FRAS1: variants seen among roughly 807,000 people sequenced by gnomAD.
FRAS1 encodes the protein Fraser extracellular matrix complex subunit 1, also known as extracellular matrix organizing protein FRAS1.
In FRAS1, 290 loss-of-function variants were observed where a neutral mutation model predicts 435.2. That is an observed-to-expected ratio of 0.67 (90% CI 0.61 to 0.73). The LOEUF (loss-of-function observed/expected upper bound fraction) is 0.73. Among genes scored for constraint, FRAS1 ranks in the 30% least tolerant of loss-of-function variants. FRAS1 has a pLI of 0.00. For missense variants in FRAS1, 4,860 were observed against 5,001.5 expected (o/e 0.97, Z 0.85); for synonymous variants, 1,800 against 1,851.0 (o/e 0.97, Z 0.71).
chr4:78,451,926 T>C, intron 46 of FRAS1, 35 bp downstream of exon 46: 3 of 1,575,454 alleles, frequency 1.9e-6, no homozygotes, highest in Non-Finnish European at 2.6e-6. Flanking sequence ...TATAAAACTA[T>C]TTTAGCAGTT....
At chr4:78,307,151 G>A (rs1266243547) in intron 14 of FRAS1, among the ~76,000 whole-genome samples, 1 of 152,164 alleles carries the variant, frequency 6.6e-6, no homozygotes, top group Admixed American at 6.5e-5. Context: ...GCCCCTGCTG[G>A]GGGGTGCCTC....
intron 2 of FRAS1, among the ~76,000 whole-genome samples, chr4:78,215,745 A>C (rs558149368): frequency 6.6e-6 from 1 of 152,162 alleles, no homozygotes; most frequent in African/African-American, 2.4e-5. Context: ...ACTCAGCTTA[A>C]TATCCTCAAG....
At chr4:78,181,904 C>A (rs540704847) in intron 2 of FRAS1, 3 of 1,610,834 alleles carry the variant, frequency 1.9e-6, no homozygotes, top group East Asian at 2.2e-5. Context: ...GGCCCCAGGG[C>A]CCCCAACGCC....
At chr4:78,337,858 A>T in intron 20 of FRAS1, 41 bp downstream of exon 20, 1 of 1,611,330 alleles carries the variant, frequency 6.2e-7, no homozygotes, top group Non-Finnish European at 8.5e-7. Flanking sequence ...ATCACTGGGC[A>T]GCTGCCGGGG....
intron 2 of FRAS1, among the ~76,000 whole-genome samples, chr4:78,151,530 G>A (rs1720660873): frequency 6.6e-6 from 1 of 152,130 alleles, no homozygotes; most frequent in African/African-American, 2.4e-5. Context: ...ATGTTTCAGG[G>A]TAATGAAACC....
chr4:78,117,270 T>G (rs1460750833), intron 2 of FRAS1, among the ~76,000 whole-genome samples: 1 of 152,196 alleles, frequency 6.6e-6, no homozygotes, highest in Non-Finnish European at 1.5e-5. Context: ...TAACATTTTT[T>G]CCTTCATTTC....
intron 65 of FRAS1, among the ~76,000 whole-genome samples, chr4:78,515,323 C>CTTTTT (rs78491600): frequency 1.5e-5 from 2 of 136,352 alleles, no homozygotes; most frequent in African/African-American, 2.7e-5. Flanking sequence ...GGTATGCTGG[C>CTTTTT]TTTTTTTTTT....
At chr4:78,067,876 GTA>G in intron 2 of FRAS1, among the ~76,000 whole-genome samples, 1 of 98,738 alleles carries the variant, frequency 1.0e-5, no homozygotes, top group Admixed American at 1.0e-4. Flanking sequence ...TTTTTTTTTT[GTA>G]TTTTTAGTAG....
At chr4:78,127,382 G>A (rs1019735014) in intron 2 of FRAS1, among the ~76,000 whole-genome samples, 1 of 152,134 alleles carries the variant, frequency 6.6e-6, no homozygotes, top group Non-Finnish European at 1.5e-5. Flanking sequence ...TTTTGCTCTG[G>A]GGAGAGATGT....
chr4:78,137,622 G>A (rs373913890), intron 2 of FRAS1, among the ~76,000 whole-genome samples: 114 of 152,324 alleles, frequency 7.5e-4, no homozygotes, highest in Middle Eastern at 3.4e-3. Flanking sequence ...GCCCCAAAGG[G>A]GCCCCACATC....
intron 30 of FRAS1, among the ~76,000 whole-genome samples, chr4:78,402,006 A>C (rs993083102): frequency 1.3e-5 from 2 of 152,050 alleles, no homozygotes; most frequent in African/African-American, 2.4e-5. Flanking sequence ...CTGTAGTACC[A>C]TAACCAAAAC....
chr4:78,499,611 G>C (rs1004131059), intron 60 of FRAS1, 110 bp from the exon 61 acceptor site: 1 of 1,036,438 alleles, frequency 9.6e-7, no homozygotes, highest in Admixed American at 2.2e-5. Flanking sequence ...CCTTCATACT[G>C]TTAACTAATG....
chr4:78,059,348 G>C (rs1488970165), intron 1 of FRAS1, among the ~76,000 whole-genome samples: 1 of 152,148 alleles, frequency 6.6e-6, no homozygotes, highest in Non-Finnish European at 1.5e-5. Context: ...GGACTTTCCC[G>C]TGGGTCCAGG....
rs1165976294 is a variant in FRAS1 at position 78,368,479 on chromosome 4, G to A, written c.2723-1359G>A. On this transcript the variant is annotated intron_variant, in intron 22 of 73. Coordinates refer to ENST00000512123, the MANE Select transcript of FRAS1 (RefSeq NM_025074.7). ...TTCAGAATGAGACAGAAATGCTGGTGCTTGTATATACCTTATGCAATATCT... is the reference window on the plus strand; with the variant it reads ...TTCAGAATGAGACAGAAATGCTGGTACTTGTATATACCTTATGCAATATCT... Among the ~76,000 whole-genome samples, 7 of 148,596 alleles carry A rather than the reference G, an allele frequency of 4.7e-5. No individual in the cohort carries two copies. In the South Asian group the frequency reaches 1.5e-3, roughly 31 times the overall value.
chr4:78,197,963 G>C (rs1278804578), intron 2 of FRAS1, among the ~76,000 whole-genome samples: 3 of 150,534 alleles, frequency 2.0e-5, no homozygotes, highest in African/African-American at 7.3e-5. Context: ...AGAGTGGACT[G>C]AATGCAACAC....
Position 78,065,985 on chromosome 4 carries a change from G to A in FRAS1, c.77G>A (p.Gly26Asp). The change falls in exon 2 of 74, where the codon GGT becomes GAT. Residue 26 changes from glycine (G) to aspartate (D), a missense_variant and splice_region_variant. By Grantham distance (94) the Gly-to-Asp change is moderately conservative. Coordinates refer to ENST00000512123, the MANE Select transcript of FRAS1 (RefSeq NM_025074.7). ...ATTCTTGTTTTGTTTTTCCCCACAG[G>A]TGCTTGTGTCTATCAGGATTCCTTG... ...EFAVLPHHSE[G>D]ACVYQDSLLA... The A allele has an allele frequency of 6.2e-7, 1 of 1,605,818 alleles. No homozygotes were observed. The highest frequency in any genetic ancestry group is 8.5e-7 in the Non-Finnish European group (1 of 1,173,416).
In FRAS1 at chr4:78,477,920, G is replaced by C; in HGVS notation, c.7957G>C (p.Ala2653Pro). 11 of 1,613,668 alleles carry C rather than the reference G, an allele frequency of 6.8e-6. No homozygotes were observed. Among genetic ancestry groups the C allele is most frequent in the Non-Finnish European group, 9.3e-6 (11 of 1,179,786 alleles). ...ESFTVELSMP[A>P]YALLGEFTQA... ...TTTCACTGTGGAGCTCAGCATGCCA[G>C]CTTATGCCCTGTTAGGGGAATTCAC... The change falls in exon 55 of 74, where the codon GCT becomes CCT. Residue 2653 changes from alanine (A) to proline (P), a missense_variant. Physicochemically the swap from Ala to Pro is conservative, Grantham distance 27. Transcript: ENST00000512123.
Position 78,333,278 on chromosome 4 carries a change from A to G in FRAS1, c.2144A>G (p.His715Arg). 4 of 1,605,148 alleles carry G rather than the reference A, an allele frequency of 2.5e-6. No individual in the cohort carries two copies. Among genetic ancestry groups the G allele is most frequent in the Non-Finnish European group, 3.4e-6 (4 of 1,175,850 alleles). Reference sequence around the variant, plus strand: ...TGCTTTATCTTTCCCCCAGCTTGCCACCAGTCCTGTTTCAGATGTGCAGGG... The same window carrying G: ...TGCTTTATCTTTCCCCCAGCTTGCCGCCAGTCCTGTTTCAGATGTGCAGGG... ...LESTGICEACHQSCFRCAGKS... is the reference protein window; with the variant it reads ...LESTGICEACRQSCFRCAGKS... Residue 715 changes from histidine (H) to arginine (R), a missense_variant, in exon 19 of 74, where the codon CAC becomes CGC. By Grantham distance (29) the His-to-Arg change is conservative. Transcript: ENST00000512123.
intron 2 of FRAS1, among the ~76,000 whole-genome samples, chr4:78,223,302 C>A (rs1457605861): frequency 6.6e-6 from 1 of 152,120 alleles, no homozygotes; most frequent in Non-Finnish European, 1.5e-5. Flanking sequence ...AATTCACATG[C>A]CAGTTGTGGC....
Sources: gnomAD v4.1 joint callset for allele counts (sites outside exome capture counted in the v4.1 genomes callset) on GRCh38, gnomAD v4.1.1 for gene constraint, MANE v1.5 for transcripts, NCBI Gene and HGNC (gene_info 2026-07-23, HGNC 2026-07-21) for gene names.